PRKCA: variants seen among roughly 807,000 people sequenced by gnomAD.
PRKCA encodes the protein protein kinase C alpha, also known as protein kinase C alpha type.
Under a neutral mutation model 87.0 loss-of-function variants are expected in PRKCA, and 27 were observed. That is an observed-to-expected ratio of 0.31 (90% CI 0.23 to 0.43). The LOEUF (loss-of-function observed/expected upper bound fraction) is 0.43. Among genes scored for constraint, PRKCA ranks in the 20% least tolerant of loss-of-function variants. The pLI is 1.00. For missense variants in PRKCA, 518 were observed against 852.3 expected (o/e 0.61, Z 4.88); for synonymous variants, 329 against 311.1 (o/e 1.06, Z -0.61).
intron 3 of PRKCA, among the ~76,000 whole-genome samples, chr17:66,553,121 A>G (rs1968392931): frequency 6.6e-6 from 1 of 151,898 alleles, no homozygotes; most frequent in South Asian, 2.1e-4. Flanking sequence ...AGCTGGGACT[A>G]CAGGCTTGTA....
chr17:66,343,877 G>A (rs1907195437), intron 2 of PRKCA, among the ~76,000 whole-genome samples: 1 of 151,878 alleles, frequency 6.6e-6, no homozygotes, highest in Admixed American at 6.6e-5. Flanking sequence ...GGTGACCTTG[G>A]GCTTCATTTT....
intron 2 of PRKCA, among the ~76,000 whole-genome samples, chr17:66,345,495 T>C (rs1403430446): frequency 6.6e-6 from 1 of 152,166 alleles, no homozygotes; most frequent in Admixed American, 6.5e-5. Context: ...ATCCTGCCAA[T>C]AGAGGCAGCT....
rs192509643 is a variant in PRKCA at position 66,472,005 on chromosome 17, G to A, written c.206-24196G>A. Among the ~76,000 whole-genome samples the A allele has an allele frequency of 2.7e-4, 41 of 152,226 alleles. 1 individual carries two copies. The South Asian group carries it at 4.2e-3, about 15-fold the overall frequency. On this transcript the variant is annotated intron_variant, in intron 2 of 16. Coordinates refer to ENST00000413366, the MANE Select transcript of PRKCA (RefSeq NM_002737.3). ...AGGACATGGTTTCGCTGTGTTGCCC[G>A]GGCAGGAATGCAGTGGCTCCATCAT...
intron 2 of PRKCA, among the ~76,000 whole-genome samples, chr17:66,393,062 G>T (rs1296994362): frequency 6.6e-6 from 1 of 152,158 alleles, no homozygotes; most frequent in African/African-American, 2.4e-5. Flanking sequence ...TTTGGGGAGG[G>T]AATGACAACA....
At chr17:66,432,457 G>A (rs913478097) in intron 2 of PRKCA, among the ~76,000 whole-genome samples, 1 of 152,146 alleles carries the variant, frequency 6.6e-6, no homozygotes, top group Non-Finnish European at 1.5e-5. Flanking sequence ...AGCTTCAGGA[G>A]AGACCCTCAG....
chr17:66,450,575 C>T (rs1914256741), intron 2 of PRKCA, among the ~76,000 whole-genome samples: 1 of 146,358 alleles, frequency 6.8e-6, no homozygotes, highest in Admixed American at 6.8e-5. Context: ...GGGGAGGAAA[C>T]AGAAAGCTGC....
chr17:66,441,569 A>G (rs1161887473), intron 2 of PRKCA, among the ~76,000 whole-genome samples: 1 of 152,174 alleles, frequency 6.6e-6, no homozygotes, highest in Non-Finnish European at 1.5e-5. Context: ...CTCTCGTCTC[A>G]GAGCTGCTTC....
At chr17:66,350,641 G>A (rs1186437418) in intron 2 of PRKCA, among the ~76,000 whole-genome samples, 1 of 152,046 alleles carries the variant, frequency 6.6e-6, no homozygotes, top group Non-Finnish European at 1.5e-5. Context: ...TCCCACCTCA[G>A]CCTCCCAAGT....
chr17:66,713,518 TG>T (rs1973393150), intron 8 of PRKCA, among the ~76,000 whole-genome samples: 1 of 152,164 alleles, frequency 6.6e-6, no homozygotes, highest in African/African-American at 2.4e-5. Flanking sequence ...AGATGAGAAG[TG>T]TCAAGTCAAC....
chr17:66,778,359 A>G (rs1253729171), intron 14 of PRKCA: 1 of 438,702 alleles, frequency 2.3e-6, no homozygotes. Context: ...TAAAAATGCA[A>G]AAAAAAATTA....
chr17:66,794,435 C>T lies in PRKCA; in HGVS notation c.1854+5456C>T, dbSNP rs1157719914. On this transcript the variant is annotated intron_variant, in intron 16 of 16. Transcript: ENST00000413366. ...GAGAGCTTGATGATCATTTAATTATCGAAGCTGGTGCAAGGATCCTTTTTT... is the reference window on the plus strand; with the variant it reads ...GAGAGCTTGATGATCATTTAATTATTGAAGCTGGTGCAAGGATCCTTTTTT... Among the ~76,000 whole-genome samples, 12 of 150,280 alleles carry T rather than the reference C, an allele frequency of 8.0e-5. No individual in the cohort carries two copies. In the East Asian group the frequency reaches 1.2e-3, roughly 15 times the overall value.
At chr17:66,679,174 CTTTTT>C (rs10714678) in intron 5 of PRKCA, among the ~76,000 whole-genome samples, 4 of 121,054 alleles carry the variant, frequency 3.3e-5, no homozygotes, top group Admixed American at 8.7e-5. Flanking sequence ...ACACTCACAC[CTTTTT>C]TTTTTTTTTT....
At chr17:66,352,517 A>G (rs1006239397) in intron 2 of PRKCA, among the ~76,000 whole-genome samples, 3 of 149,710 alleles carry the variant, frequency 2.0e-5, no homozygotes, top group African/African-American at 7.4e-5. Flanking sequence ...AAAGAATATC[A>G]GGAGAAAAAA....
At chr17:66,346,961 G>T (rs1907415897) in intron 2 of PRKCA, among the ~76,000 whole-genome samples, 1 of 151,864 alleles carries the variant, frequency 6.6e-6, no homozygotes, top group Non-Finnish European at 1.5e-5. Flanking sequence ...AACGCGGGAG[G>T]CGGAGGTTGC....
At chr17:66,640,073 G>T (rs1410055336) in intron 3 of PRKCA, among the ~76,000 whole-genome samples, 1 of 152,108 alleles carries the variant, frequency 6.6e-6, no homozygotes, top group Admixed American at 6.5e-5. Context: ...CACTACCTGC[G>T]TGGTACCTAC....
At chr17:66,750,566 C>T (rs1483964562) in intron 13 of PRKCA, among the ~76,000 whole-genome samples, 1 of 152,144 alleles carries the variant, frequency 6.6e-6, no homozygotes, top group Non-Finnish European at 1.5e-5. Context: ...TCAGTTTAGC[C>T]TCTTCTCTAG....
At chr17:66,686,520 T>C (rs1972632029) in intron 5 of PRKCA, among the ~76,000 whole-genome samples, 3 of 152,178 alleles carry the variant, frequency 2.0e-5, no homozygotes, top group Admixed American at 6.5e-5. Context: ...TAAAAACGAA[T>C]ACTTGAGCCA....
In PRKCA at chr17:66,781,849, TGAGA is replaced by T. The variant is rs56164343; in HGVS notation, c.1606-5001_1606-4998del. Among the ~76,000 whole-genome samples, 34 of 131,542 alleles carry T rather than the reference TGAGA, an allele frequency of 2.6e-4. 2 individuals are homozygous for T. The highest frequency in any genetic ancestry group is 5.0e-4 in the East Asian group (2 of 4,034). The allele number at this position is 131,542 out of a possible 152,430, so 86.3% of individuals were successfully genotyped here. Reference sequence around the variant, plus strand: ...AAAGCGGTTAAGATGGTAAATTTTGTGAGAGAGAGAGAGAGAGAGATATATATAT... The same window carrying T: ...AAAGCGGTTAAGATGGTAAATTTTGTGAGAGAGAGAGAGAGATATATATAT... On this transcript the variant is annotated intron_variant, in intron 14 of 16. Coordinates refer to ENST00000413366, the MANE Select transcript of PRKCA (RefSeq NM_002737.3).
At chr17:66,639,884 A>G (rs1971244485) in intron 3 of PRKCA, among the ~76,000 whole-genome samples, 1 of 152,004 alleles carries the variant, frequency 6.6e-6, no homozygotes, top group Non-Finnish European at 1.5e-5. Flanking sequence ...AATCCCAGCT[A>G]CTTGGGAGGC....
Sources: gnomAD v4.1 joint callset for allele counts (sites outside exome capture counted in the v4.1 genomes callset) on GRCh38, gnomAD v4.1.1 for gene constraint, MANE v1.5 for transcripts, NCBI Gene and HGNC (gene_info 2026-07-23, HGNC 2026-07-21) for gene names.